Variants in EXT2 observed in about 807,000 individuals in gnomAD.
EXT2 encodes the protein exostosin glycosyltransferase 2, also known as exostosin-2.
A neutral mutation model predicts 81.6 loss-of-function variants in EXT2; 53 were observed. The ratio of observed to expected loss-of-function variants is 0.65; its 90% CI spans 0.52 to 0.82. EXT2 has a LOEUF of 0.82. Among genes scored for constraint, EXT2 ranks in the 40% least tolerant of loss-of-function variants. The probability of loss-of-function intolerance (pLI) is 0.00; values close to 1 mark genes in which losing one functional copy is unlikely to be tolerated. For synonymous variants in EXT2, 320 were observed against 340.0 expected (o/e 0.94, Z 0.65); for missense variants, 774 against 910.2 (o/e 0.85, Z 1.93).
At chr11:44,117,071 G>A (rs1954232319) in intron 4 of EXT2, among the ~76,000 whole-genome samples, 1 of 150,862 alleles carries the variant, frequency 6.6e-6, no homozygotes, top group South Asian at 2.1e-4. Flanking sequence ...CCAGATTCAA[G>A]CGATTCTCCT....
intron 10 of EXT2, among the ~76,000 whole-genome samples, chr11:44,214,789 T>G (rs1268165938): frequency 6.6e-6 from 1 of 151,858 alleles, no homozygotes; most frequent in Non-Finnish European, 1.5e-5. Context: ...TCTCACTCTG[T>G]CACCCAGGCT....
intron 7 of EXT2, among the ~76,000 whole-genome samples, chr11:44,131,426 ACT>A (rs2135032905): frequency 6.6e-6 from 1 of 152,076 alleles, no homozygotes; most frequent in African/African-American, 2.4e-5. Context: ...TGGGTTACAA[ACT>A]CTGTACCCTT....
intron 7 of EXT2, among the ~76,000 whole-genome samples, chr11:44,169,762 T>C (rs549216770): frequency 6.6e-6 from 1 of 152,262 alleles, no homozygotes; most frequent in African/African-American, 2.4e-5. Context: ...AATGCTCCAA[T>C]GAGTATTTCC....
chr11:44,241,488 G>A (rs1956037069), intron 13 of EXT2, among the ~76,000 whole-genome samples: 1 of 152,140 alleles, frequency 6.6e-6, no homozygotes, highest in African/African-American at 2.4e-5. Context: ...TTATACCCAA[G>A]CTGTTATGTG....
intron 7 of EXT2, among the ~76,000 whole-genome samples, chr11:44,153,604 G>T (rs1954820761): frequency 6.6e-6 from 1 of 152,046 alleles, no homozygotes; most frequent in Non-Finnish European, 1.5e-5. Flanking sequence ...GGTCTGAGTA[G>T]AAAAGCTTTG....
At chr11:44,195,369 G>A (rs1247592539) in intron 8 of EXT2, among the ~76,000 whole-genome samples, 2 of 152,020 alleles carry the variant, frequency 1.3e-5, no homozygotes, top group African/African-American at 4.8e-5. Context: ...GGGAGACGGA[G>A]GTTGAGGTGA....
rs76082100 is a variant in EXT2 at position 44,247,930 on chromosome 11, T to C, written c.*3643T>C. 7.6e-3 allele frequency among the ~76,000 whole-genome samples: 1,160 copies of C among 152,322 alleles called. 20 individuals carry two copies. Among genetic ancestry groups the C allele is most frequent in the African/African-American group, 0.026 (1,088 of 41,566 alleles). ...GAGGTTAAAATCCAAGAACCTTTGA[T>C]AGTTTTCAGCCAAGATAGTAATCAG... On this transcript the variant is annotated 3_prime_UTR_variant, in exon 14 of 14. Transcript: ENST00000533608.
chr11:44,230,591 AGG>A (rs1446163217), intron 10 of EXT2, among the ~76,000 whole-genome samples: 2 of 152,150 alleles, frequency 1.3e-5, no homozygotes, highest in East Asian at 3.9e-4. Context: ...AGACTTGCAC[AGG>A]GGGGAAGATG....
chr11:44,211,337 T>G (rs547326859), intron 10 of EXT2, among the ~76,000 whole-genome samples: 1 of 152,374 alleles, frequency 6.6e-6, no homozygotes, highest in South Asian at 2.1e-4. Flanking sequence ...TCATATTCAT[T>G]ACAGCATTGT....
rs761119886 is a variant in EXT2 at position 44,108,047 on chromosome 11, A to G, written c.335A>G (p.Lys112Arg). 6.8e-6 allele frequency: 11 copies of G among 1,614,210 alleles called. No individual in the cohort carries two copies. The South Asian group carries it at 7.7e-5, about 11-fold the overall frequency. ...NKIKVYIYAL[K>R]KYVDDFGVSV... ...ATCAAGGTGTATATCTATGCTCTGA[A>G]AAAGTACGTGGATGACTTTGGCGTC... The change falls in exon 2 of 14, where the codon AAA (lysine) becomes AGA (arginine). Residue 112 changes from lysine to arginine, a missense_variant. By Grantham distance (26) the Lys-to-Arg change is conservative. This residue lies in a region of EXT2 where 626 missense variants were observed against 670.5 expected (regional missense o/e 0.93). Coordinates refer to ENST00000533608, the MANE Select transcript of EXT2 (RefSeq NM_207122.2).
At chr11:44,143,849 A>T (rs907483242) in intron 7 of EXT2, among the ~76,000 whole-genome samples, 2 of 152,244 alleles carry the variant, frequency 1.3e-5, no homozygotes, top group African/African-American at 4.8e-5. Context: ...AAAACCTGCC[A>T]GAGAGTGTCT....
At chr11:44,203,792 C>T (rs1205720124) in intron 9 of EXT2, among the ~76,000 whole-genome samples, 2 of 152,138 alleles carry the variant, frequency 1.3e-5, no homozygotes, top group Non-Finnish European at 2.9e-5. Context: ...CATACCAGAA[C>T]CAGGAAGAAA....
intron 8 of EXT2, among the ~76,000 whole-genome samples, chr11:44,194,934 A>G (rs892632516): frequency 7.9e-5 from 12 of 152,130 alleles, no homozygotes; most frequent in African/African-American, 2.7e-4. Flanking sequence ...ATTAATTATG[A>G]CTTAAATATA....
chr11:44,139,539 C>G (rs1040097750), intron 7 of EXT2, among the ~76,000 whole-genome samples: 1 of 152,132 alleles, frequency 6.6e-6, no homozygotes, highest in African/African-American at 2.4e-5. Context: ...ATCTGATTTT[C>G]ATGGTGCCCT....
intron 1 of EXT2, chr11:44,096,162 C>T (rs776783788): frequency 9.9e-4 from 1,264 of 1,278,350 alleles, no homozygotes; most frequent in Non-Finnish European, 1.3e-3. Context: ...TTCCTTTCCT[C>T]CTGCGACCCG....
intron 7 of EXT2, among the ~76,000 whole-genome samples, chr11:44,162,117 A>G (rs984708693): frequency 1.3e-5 from 2 of 152,186 alleles, no homozygotes; most frequent in African/African-American, 4.8e-5. Context: ...AGTTAATAGA[A>G]TTGTACCAAT....
intron 8 of EXT2, among the ~76,000 whole-genome samples, chr11:44,188,765 A>G (rs1955351508): frequency 6.6e-6 from 1 of 152,180 alleles, no homozygotes; most frequent in Non-Finnish European, 1.5e-5. Context: ...AGAGACAAAG[A>G]GGTGGAAAAT....
At chr11:44,189,242 C>T (rs1309332283) in intron 8 of EXT2, among the ~76,000 whole-genome samples, 1 of 152,170 alleles carries the variant, frequency 6.6e-6, no homozygotes, top group Non-Finnish European at 1.5e-5. Context: ...AATTAACTAT[C>T]TTACTTAGTT....
intron 13 of EXT2, among the ~76,000 whole-genome samples, chr11:44,237,346 C>A (rs1352945914): frequency 6.6e-5 from 10 of 152,102 alleles, no homozygotes; most frequent in African/African-American, 1.7e-4. Flanking sequence ...TAAATAACTT[C>A]TTTATCTTTT....
Sources: allele counts gnomAD v4.1 joint callset (sites outside exome capture counted in the v4.1 genomes callset), GRCh38; gene constraint gnomAD v4.1.1; regional missense constraint gnomAD v4.1.1; transcripts MANE v1.5; gene names NCBI Gene and HGNC (gene_info 2026-07-23, HGNC 2026-07-21).